The following PIBF1 variants were observed in gnomAD, a reference collection of about 807,000 sequenced individuals.
The protein encoded by PIBF1 is progesterone immunomodulatory binding factor 1.
Under a neutral mutation model 112.5 loss-of-function variants are expected in PIBF1, and 90 were observed. The observed-to-expected ratio is 0.80, with a 90% CI of 0.67 to 0.95. The LOEUF (loss-of-function observed/expected upper bound fraction) is 0.95, where lower values mean the gene tolerates loss of function less well. PIBF1 is among the 40% of genes least tolerant of loss of function. The pLI is 0.00. For missense variants in PIBF1, 915 were observed against 852.3 expected, an observed-to-expected ratio of 1.07 and a Z score of -0.92; for synonymous variants, 301 against 288.6, an observed-to-expected ratio of 1.04 and a Z score of -0.44.
chr13:72,852,758 C>T (rs1182377128), intron 9 of PIBF1, among the ~76,000 whole-genome samples: 1 of 152,200 alleles, frequency 6.6e-6, no homozygotes, highest in East Asian at 1.9e-4. Flanking sequence ...TTATGGCTTT[C>T]ATGACTCCCT....
intron 8 of PIBF1, among the ~76,000 whole-genome samples, chr13:72,828,433 C>CA (rs1209775431): frequency 1.3e-5 from 2 of 152,056 alleles, no homozygotes; most frequent in African/African-American, 4.8e-5. Context: ...CCTAGCCCCC[C>CA]ACTCCCCGAC....
chr13:72,861,934 T>A (rs1361524396), intron 10 of PIBF1, among the ~76,000 whole-genome samples: 1 of 152,052 alleles, frequency 6.6e-6, no homozygotes, highest in East Asian at 1.9e-4. Context: ...GAAATAGTAT[T>A]TAGGGTCAGG....
chr13:72,965,262 G>C lies in PIBF1; in HGVS notation c.1834-12G>C. On this transcript the variant is annotated splice_polypyrimidine_tract_variant and intron_variant, in intron 14 of 17. Transcript: ENST00000326291. ...CATTTTCTAGATTTTAATGAAACCTGTGTTTCTTTAGCTTGACAGAGCCAA... is the reference window on the plus strand; with the variant it reads ...CATTTTCTAGATTTTAATGAAACCTCTGTTTCTTTAGCTTGACAGAGCCAA... 6.2e-7 allele frequency: 1 copy of C among 1,603,816 alleles called. No homozygotes were observed. The highest frequency in any genetic ancestry group is 8.5e-7 in the Non-Finnish European group (1 of 1,175,744).
Position 72,973,679 on chromosome 13 carries a change from T to C in PIBF1, c.2049+4T>C. The C allele has an allele frequency of 6.7e-7, 1 of 1,483,238 alleles. No homozygotes were observed. Among genetic ancestry groups the C allele is most frequent in the Non-Finnish European group, 9.3e-7 (1 of 1,073,500 alleles). The allele number at this position is 1,483,238 out of a possible 1,614,324, so 91.9% of individuals were successfully genotyped here. On this transcript the variant is annotated splice_donor_region_variant and intron_variant, in intron 16 of 17. Coordinates refer to ENST00000326291, the MANE Select transcript of PIBF1 (RefSeq NM_006346.4). ...ACAACTTCTAAATCATCGTGAGGTA[T>C]TTTTCCTATTTTGTCATAATTGTAA...
Position 72,827,907 on chromosome 13 carries a change from G to T in PIBF1, c.1090G>T (p.Ala364Ser). ...AGAAGAGATGTATGAAAAATATGTA[G>T]CATCCAGGCAAGATTTGCATTATTT... ...AREEMYEKYVASRDHYKTEYE... is the reference protein window; with the variant it reads ...AREEMYEKYVSSRDHYKTEYE... The change falls in exon 8 of 18, where the codon GCA becomes TCA. Residue 364 changes from alanine (A) to serine (S), a missense_variant. Coordinates refer to ENST00000326291, the MANE Select transcript of PIBF1 (RefSeq NM_006346.4). 3 of 1,555,488 alleles carry T rather than the reference G, an allele frequency of 1.9e-6. No homozygotes were observed. The highest frequency in any genetic ancestry group is 2.6e-6 in the Non-Finnish European group (3 of 1,148,458).
intron 2 of PIBF1, among the ~76,000 whole-genome samples, chr13:72,784,638 AG>A (rs1392791031): frequency 6.6e-6 from 1 of 151,730 alleles, no homozygotes; most frequent in East Asian, 1.9e-4. Context: ...CTGCGCCTGC[AG>A]GCCCAGCTAC....
chr13:72,861,513 A>C (rs967144881), intron 10 of PIBF1, among the ~76,000 whole-genome samples: 2 of 152,298 alleles, frequency 1.3e-5, no homozygotes, highest in Non-Finnish European at 2.9e-5. Flanking sequence ...GGGCTAGTTT[A>C]AAGCTTGATA....
intron 16 of PIBF1, among the ~76,000 whole-genome samples, chr13:72,997,291 C>T (rs2043708712): frequency 6.6e-6 from 1 of 152,120 alleles, no homozygotes; most frequent in African/African-American, 2.4e-5. Flanking sequence ...ACCATAACAC[C>T]ATACCCATTT....
At chr13:72,905,293 G>C (rs4885050) in intron 11 of PIBF1, among the ~76,000 whole-genome samples, 117,772 of 151,924 alleles carry the variant, frequency 0.78, 45,962 homozygotes, top group South Asian at 0.85. Context: ...GTCTTGAACT[G>C]CTGACCTCGT....
chr13:72,972,003 C>CTTTT (rs200679923), intron 15 of PIBF1, among the ~76,000 whole-genome samples: 3 of 138,740 alleles, frequency 2.2e-5, no homozygotes, highest in South Asian at 2.3e-4. Flanking sequence ...TAGTGGCTTT[C>CTTTT]ATTTATTTAT....
intron 14 of PIBF1, among the ~76,000 whole-genome samples, chr13:72,942,344 AC>A (rs1377930433): frequency 2.0e-5 from 3 of 150,882 alleles, no homozygotes; most frequent in African/African-American, 7.3e-5. Context: ...AAACTGTGAT[AC>A]AATGCTTTGC....
intron 16 of PIBF1, among the ~76,000 whole-genome samples, chr13:72,983,203 T>C (rs1243646243): frequency 6.6e-6 from 1 of 151,980 alleles, no homozygotes; most frequent in East Asian, 1.9e-4. Context: ...GGTTGGCTGT[T>C]GTGGGAGGAT....
At chr13:72,928,469 T>TG (rs1175621066) in intron 13 of PIBF1, among the ~76,000 whole-genome samples, 1 of 152,118 alleles carries the variant, frequency 6.6e-6, no homozygotes, top group Admixed American at 6.5e-5. Context: ...GATGAAGTCT[T>TG]GCTCTTGTCC....
intron 10 of PIBF1, among the ~76,000 whole-genome samples, chr13:72,873,773 T>A (rs74239738): frequency 1.2e-4 from 18 of 149,056 alleles, no homozygotes; most frequent in East Asian, 2.0e-4. Flanking sequence ...TTACTCAAAA[T>A]AAAAAAAAAA....
At chr13:72,867,132 C>T (rs901299419) in intron 10 of PIBF1, among the ~76,000 whole-genome samples, 5 of 152,092 alleles carry the variant, frequency 3.3e-5, no homozygotes, top group East Asian at 1.9e-4. Flanking sequence ...AATTGAATCA[C>T]GGGGGCAGAT....
intron 2 of PIBF1, among the ~76,000 whole-genome samples, chr13:72,791,215 C>T (rs1299284646): frequency 1.3e-5 from 2 of 151,814 alleles, no homozygotes; most frequent in Non-Finnish European, 2.9e-5. Flanking sequence ...CCACCACACC[C>T]GGCTAATTTT....
At chr13:72,806,115 A>C (rs2035717255) in intron 5 of PIBF1, among the ~76,000 whole-genome samples, 1 of 152,230 alleles carries the variant, frequency 6.6e-6, no homozygotes, top group Admixed American at 6.5e-5. Flanking sequence ...TATACAATTC[A>C]GTAAAGAATA....
chr13:72,904,990 T>A (rs1420285353), intron 11 of PIBF1, among the ~76,000 whole-genome samples: 2 of 152,080 alleles, frequency 1.3e-5, no homozygotes, highest in East Asian at 3.9e-4. Flanking sequence ...TTATATTATT[T>A]AATATCGCAC....
At chr13:72,994,672 CAAT>C (rs900411053) in intron 16 of PIBF1, among the ~76,000 whole-genome samples, 11 of 152,166 alleles carry the variant, frequency 7.2e-5, no homozygotes, top group African/African-American at 2.6e-4. Flanking sequence ...CAAATGCAAA[CAAT>C]GAGAGCGGAA....
Sources: gnomAD v4.1 joint callset for allele counts (sites outside exome capture counted in the v4.1 genomes callset) on GRCh38, gnomAD v4.1.1 for gene constraint, MANE v1.5 for transcripts, NCBI Gene and HGNC (gene_info 2026-07-23, HGNC 2026-07-21) for gene names.